Variants in ZNF669 observed in about 807,000 individuals in gnomAD.
The protein encoded by ZNF669 is zinc finger protein 669.
A neutral mutation model predicts 11.4 loss-of-function variants in ZNF669; 7 were observed. That is an observed-to-expected ratio of 0.62 (90% CI 0.35 to 1.16). ZNF669 has a LOEUF of 1.16. ZNF669 is among the 50% of genes most tolerant of loss of function. The pLI, the probability that ZNF669 is intolerant of heterozygous loss-of-function variation, is 0.02. For synonymous variants in ZNF669, 153 were observed against 155.8 expected (o/e 0.98, Z 0.13); for missense variants, 492 against 463.6 (o/e 1.06, Z -0.56).
intron 1 of ZNF669, 128 bp downstream of exon 1, chr1:247,104,069 C>T: frequency 1.3e-6 from 2 of 1,583,394 alleles, no homozygotes; most frequent in East Asian, 2.3e-5. Flanking sequence ...GAGGACTGAG[C>T]CCCGGCTACG....
In ZNF669 at chr1:247,100,938, G is replaced by A; in HGVS notation, c.573C>T (p.Pro191=). 1 of 1,613,624 alleles carries A rather than the reference G, an allele frequency of 6.2e-7. No individual in the cohort carries two copies. Among genetic ancestry groups the A allele is most frequent in the Non-Finnish European group, 8.5e-7 (1 of 1,179,932 alleles). ...CTTTACCACATTGTTTACATTTATA[G>A]GGTTTTTCTCCTGTGTGAGTTCTCT... ...RHQRTHTGEK[P]YKCKQCGKAF... The change falls in exon 4 of 4, where the codon CCC becomes CCT. Residue 191 remains proline, a synonymous_variant. Coordinates refer to ENST00000448299, the MANE Select transcript of ZNF669 (RefSeq NM_001142572.2).
In ZNF669 at chr1:247,100,482, A is replaced by G; in HGVS notation, c.1029T>C (p.Arg343=). The G allele has an allele frequency of 2.5e-6, 4 of 1,614,228 alleles. No individual in the cohort carries two copies. The highest frequency in any genetic ancestry group is 3.4e-6 in the Non-Finnish European group (4 of 1,180,042). ...ECKKCGKAYT[R]SSHLTRHERS... ...TTTCATGGCGAGTAAGGTGACTGGA[A>G]CGAGTGTAGGCTTTACCGCATTTCT... Residue 343 remains arginine (R), a synonymous_variant, in exon 4 of 4, where the codon CGT becomes CGC. Transcript: ENST00000448299.
rs954484826 is a variant in ZNF669, at chr1:247,100,174, C to T, written c.*200G>A. 130 of 482,438 alleles carry T rather than the reference C, an allele frequency of 2.7e-4. No homozygotes were observed. Among genetic ancestry groups the T allele is most frequent in the Admixed American group, 4.6e-4 (12 of 25,952 alleles). 29.9% of individuals were successfully genotyped at this position (482,438 alleles called of 1,614,324 possible). On this transcript the variant is annotated 3_prime_UTR_variant, in exon 4 of 4. Transcript: ENST00000448299. ...TAATTTTTTGTATTTTTAGTAGAGA[C>T]GGGGTTTCACCGTGTTGGCCAGGAT...
At chr1:247,101,827 T>TA (rs1553326888) in intron 2 of ZNF669, 36 bp from the exon 3 acceptor site, 2 of 1,611,078 alleles carry the variant, frequency 1.2e-6, no homozygotes, top group Non-Finnish European at 1.7e-6. Flanking sequence ...CATGAATTAT[T>TA]ACAAACTGTA....
chr1:247,102,272 C>T (rs1671740622), intron 1 of ZNF669, among the ~76,000 whole-genome samples, 159 bp from the exon 2 acceptor site: 1 of 152,208 alleles, frequency 6.6e-6, no homozygotes, highest in East Asian at 1.9e-4. Flanking sequence ...CATACTCCCT[C>T]CCACACAGCA....
chr1:247,101,708 T>C, intron 3 of ZNF669, 23 bp downstream of exon 3: 1 of 1,598,618 alleles, frequency 6.3e-7, no homozygotes, highest in Non-Finnish European at 8.5e-7. Context: ...AGGACTTTAT[T>C]TCCTCTGCTC....
Position 247,100,800 on chromosome 1 carries a change from C to CA in ZNF669, c.710_711insT (p.His238AlafsTer2). On this transcript the variant is annotated frameshift_variant, in exon 4 of 4. Coordinates refer to ENST00000448299, the MANE Select transcript of ZNF669 (RefSeq NM_001142572.2). LOFTEE classifies it low-confidence loss of function (END_TRUNC). ...TTTCTCCAGTGTGAGTCCTTTCATG[C>CA]GTCTTAAAAGAACAAGAAAATCTGA... 6.2e-7 allele frequency: 1 copy of CA among 1,613,654 alleles called. No homozygotes were observed. Among genetic ancestry groups the CA allele is most frequent in the East Asian group, 2.2e-5 (1 of 44,874 alleles).
chr1:247,102,784 C>A (rs1363349446), intron 1 of ZNF669, among the ~76,000 whole-genome samples: 3 of 151,966 alleles, frequency 2.0e-5, no homozygotes, highest in Non-Finnish European at 4.4e-5. Context: ...TGTGATTACA[C>A]CAAGAGAGAA....
chr1:247,103,619 G>T (rs1397786474), intron 1 of ZNF669, among the ~76,000 whole-genome samples: 1 of 128,978 alleles, frequency 7.8e-6, no homozygotes, highest in African/African-American at 2.9e-5. Context: ...GCGACAGGGC[G>T]AGATTCCGTC....
Position 247,101,039 on chromosome 1 carries a change from G to C in ZNF669, c.472C>G (p.His158Asp), listed in dbSNP as rs773789745. ...CATTTATAAGCTGGATTTCCACTGT[G>C]CATTATCATGTGTCTTCTAACACCT... is the stretch of plus-strand genomic sequence containing the variant. ...VPGVRRHMIM[H>D]SGNPAYKCTI... Residue 158 changes from histidine to aspartate, a missense_variant, in exon 4 of 4, where the codon CAC (histidine) becomes GAC (aspartate). Physicochemically the swap from His to Asp is moderately conservative, Grantham distance 81. Transcript: ENST00000448299. 1 of 1,613,846 alleles carries C rather than the reference G, an allele frequency of 6.2e-7. No individual in the cohort carries two copies. The highest frequency in any genetic ancestry group is 8.5e-7 in the Non-Finnish European group (1 of 1,180,022).
chr1:247,100,185 C>T lies in ZNF669; in HGVS notation c.*189G>A, dbSNP rs964921559. 10 of 505,760 alleles carry T rather than the reference C, an allele frequency of 2.0e-5. No homozygotes were observed. Among genetic ancestry groups the T allele is most frequent in the East Asian group, 1.3e-4 (4 of 31,638 alleles). The allele number at this position is 505,760 out of a possible 1,614,324, so 31.3% of individuals were successfully genotyped here. ...ATTTTTAGTAGAGACGGGGTTTCAC[C>T]GTGTTGGCCAGGATGGTCTCGATCT... On this transcript the variant is annotated 3_prime_UTR_variant, in exon 4 of 4. Transcript: ENST00000448299.
Position 247,104,353 on chromosome 1 carries a change from A to T in ZNF669, c.-154T>A. On this transcript the variant is annotated 5_prime_UTR_variant, in exon 1 of 4. Coordinates refer to ENST00000448299, the MANE Select transcript of ZNF669 (RefSeq NM_001142572.2). ...GGAAGAGCCGGCTCCGGCGAAGGAG[A>T]GACAAAGCAACCGCCAGGCAGATCC... 1 of 1,125,386 alleles carries T rather than the reference A, an allele frequency of 8.9e-7. No individual in the cohort carries two copies. The highest frequency in any genetic ancestry group is 1.2e-6 in the Non-Finnish European group (1 of 845,436). 69.7% of individuals were successfully genotyped at this position (1,125,386 alleles called of 1,614,324 possible). A position where few individuals can be genotyped will look rare whatever the true frequency, so the allele number is the denominator to read the frequency against.
In ZNF669 at chr1:247,100,764, T is replaced by C; in HGVS notation, c.747A>G (p.Lys249=). ...ERTHTGERPY[K]CTKCDKAFSC... Reference sequence around the variant, plus strand: ...TGAAGGCTTTATCACATTTGGTACATTTATAGGGTCTTTCTCCAGTGTGAG... The same window carrying C: ...TGAAGGCTTTATCACATTTGGTACACTTATAGGGTCTTTCTCCAGTGTGAG... Residue 249 remains lysine, a synonymous_variant, in exon 4 of 4, where the codon AAA becomes AAG. Transcript: ENST00000448299. 6.2e-7 allele frequency: 1 copy of C among 1,614,054 alleles called. No individual in the cohort carries two copies. The highest frequency in any genetic ancestry group is 8.5e-7 in the Non-Finnish European group (1 of 1,179,974).
chr1:247,103,368 T>A (rs1016739187), intron 1 of ZNF669, among the ~76,000 whole-genome samples: 19 of 152,146 alleles, frequency 1.2e-4, no homozygotes, highest in African/African-American at 4.3e-4. Context: ...GCGCGGTGGC[T>A]CACGCCTGTA....
chr1:247,101,397 C>T, intron 3 of ZNF669, 78 bp from the exon 4 acceptor site: 3 of 1,441,922 alleles, frequency 2.1e-6, no homozygotes, highest in Middle Eastern at 1.8e-4. Context: ...CTTGGACTTA[C>T]ACTGCTACCA....
Position 247,104,329 on chromosome 1 carries a change from G to A in ZNF669, c.-130C>T. ...AAGAACTAGCAGCGGAGACTAACAG[G>A]AAGAGCCGGCTCCGGCGAAGGAGAG... On this transcript the variant is annotated 5_prime_UTR_variant, in exon 1 of 4. Coordinates refer to ENST00000448299, the MANE Select transcript of ZNF669 (RefSeq NM_001142572.2). 7.9e-7 allele frequency: 1 copy of A among 1,264,594 alleles called. No individual in the cohort carries two copies. 78.3% of individuals were successfully genotyped at this position (1,264,594 alleles called of 1,614,324 possible).
rs775972350 is a variant in ZNF669 at position 247,102,016 on chromosome 1, T to C, written c.101A>G (p.Gln34Arg). 1 of 1,614,000 alleles carries C rather than the reference T, an allele frequency of 6.2e-7. No individual in the cohort carries two copies. Among genetic ancestry groups the C allele is most frequent in the South Asian group, 1.1e-5 (1 of 91,036 alleles). ...SQKNLYREVM[Q>R]ETCRNLASVG... is the part of the protein sequence containing the mutation. The stretch of plus-strand genomic sequence containing the variant: ...AGAAGCCAGGTTCCTGCAGGTTTCC[T>C]GCATCACTTCTCTGTAGAGATTCTT... The change falls in exon 2 of 4, where the codon CAG (glutamine) becomes CGG (arginine). Residue 34 changes from glutamine to arginine, a missense_variant. Gln to Arg is a conservative substitution (Grantham distance 43). Coordinates refer to ENST00000448299, the MANE Select transcript of ZNF669 (RefSeq NM_001142572.2).
Position 247,104,300 on chromosome 1 carries a change from A to G in ZNF669, c.-101T>C. 1 of 1,397,516 alleles carries G rather than the reference A, an allele frequency of 7.2e-7. No individual in the cohort carries two copies. The highest frequency in any genetic ancestry group is 9.4e-7 in the Non-Finnish European group (1 of 1,067,412). The allele number at this position is 1,397,516 out of a possible 1,614,324, so 86.6% of individuals were successfully genotyped here. A position where few individuals can be genotyped will look rare whatever the true frequency, so the allele number is the denominator to read the frequency against. Reference sequence around the variant, plus strand: ...CTGCAGAGCCACCTGGGCCTCCCAGAGCCAAGAACTAGCAGCGGAGACTAA... The same window carrying G: ...CTGCAGAGCCACCTGGGCCTCCCAGGGCCAAGAACTAGCAGCGGAGACTAA... On this transcript the variant is annotated 5_prime_UTR_variant, in exon 1 of 4. Transcript: ENST00000448299.
intron 1 of ZNF669, chr1:247,103,911 C>T: frequency 6.4e-7 from 1 of 1,569,584 alleles, no homozygotes; most frequent in African/African-American, 1.4e-5. Context: ...GGCTCTCCCG[C>T]ATCACCCTCC....
Sources: gnomAD v4.1 joint callset for allele counts (sites outside exome capture counted in the v4.1 genomes callset) on GRCh38, gnomAD v4.1.1 for gene constraint, MANE v1.5 for transcripts, NCBI Gene and HGNC (gene_info 2026-07-23, HGNC 2026-07-21) for gene names.